TAF2: variants seen among roughly 807,000 people sequenced by gnomAD.
TAF2 encodes the protein transcription initiation factor TFIID subunit 2.
In TAF2, 61 loss-of-function variants were observed where a neutral mutation model predicts 138.5. That is an observed-to-expected ratio of 0.44 (90% CI 0.36 to 0.54). TAF2 has a LOEUF of 0.54. Ranked by LOEUF, TAF2 falls within the 20% of genes least tolerant of loss-of-function variation. The probability of loss-of-function intolerance (pLI) is 0.00; values close to 1 mark genes in which losing one functional copy is unlikely to be tolerated. For synonymous variants in TAF2, 475 were observed against 469.9 expected (o/e 1.01, Z -0.14); for missense variants, 1,090 against 1,427.9 (o/e 0.76, Z 3.81).
At chr8:119,800,821 C>T (rs1807932152) in intron 6 of TAF2, among the ~76,000 whole-genome samples, 1 of 152,150 alleles carries the variant, frequency 6.6e-6, no homozygotes, top group Non-Finnish European at 1.5e-5. Context: ...AAAAGAAATG[C>T]TGTGGAGATA....
rs767118186 is a variant in TAF2 at position 119,756,130 on chromosome 8, A to T, written c.2769-15T>A. 24 of 1,607,126 alleles carry T rather than the reference A, an allele frequency of 1.5e-5. No homozygotes were observed. The highest frequency in any genetic ancestry group is 2.0e-5 in the Non-Finnish European group (23 of 1,174,322). On this transcript the variant is annotated splice_polypyrimidine_tract_variant and intron_variant, in intron 21 of 25. Coordinates refer to ENST00000378164, the MANE Select transcript of TAF2 (RefSeq NM_003184.4). ...GAATCTTATGCCTGAAAGATTAAAAAAAATTAAATTTTTGCTGACCTTTTA... is the reference window on the plus strand; with the variant it reads ...GAATCTTATGCCTGAAAGATTAAAATAAATTAAATTTTTGCTGACCTTTTA...
At chr8:119,802,334 A>G (rs1227104035) in intron 5 of TAF2, among the ~76,000 whole-genome samples, 1 of 152,230 alleles carries the variant, frequency 6.6e-6, no homozygotes, top group Non-Finnish European at 1.5e-5. Flanking sequence ...CATATTAGTC[A>G]GTTTTTATGC....
chr8:119,781,365 C>CA (rs1326371963), intron 16 of TAF2, among the ~76,000 whole-genome samples, 172 bp from the exon 17 acceptor site: 1 of 152,088 alleles, frequency 6.6e-6, no homozygotes, highest in East Asian at 1.9e-4. Flanking sequence ...AGAAATTATA[C>CA]AAACTCACCC....
chr8:119,808,034 T>C (rs1824784668), intron 3 of TAF2, among the ~76,000 whole-genome samples: 1 of 152,196 alleles, frequency 6.6e-6, no homozygotes, highest in South Asian at 2.1e-4. Flanking sequence ...TACAGACTCT[T>C]AACTTGACAG....
intron 17 of TAF2, among the ~76,000 whole-genome samples, chr8:119,779,365 A>T (rs1010155052): frequency 6.6e-6 from 1 of 152,136 alleles, no homozygotes; most frequent in African/African-American, 2.4e-5. Flanking sequence ...TTTAAAAAAA[A>T]AATAAAAATA....
intron 16 of TAF2, among the ~76,000 whole-genome samples, chr8:119,782,331 A>G (rs1822723887): frequency 6.6e-6 from 1 of 152,230 alleles, no homozygotes; most frequent in African/African-American, 2.4e-5. Context: ...AAATGAAATT[A>G]TGATTAAACA....
chr8:119,784,905 C>T (rs1014930126), intron 15 of TAF2, among the ~76,000 whole-genome samples: 4 of 152,154 alleles, frequency 2.6e-5, no homozygotes, highest in Non-Finnish European at 5.9e-5. Flanking sequence ...ATAGTCTGAG[C>T]ACTGCTCTAG....
At chr8:119,756,232 T>A in intron 21 of TAF2, 117 bp from the exon 22 acceptor site, 1 of 719,438 alleles carries the variant, frequency 1.4e-6, no homozygotes, top group Non-Finnish European at 2.5e-6. Context: ...TTTTAACACT[T>A]TCTCTCTTAA....
intron 22 of TAF2, 99 bp downstream of exon 22, chr8:119,755,907 C>G (rs1008478139): frequency 1.0e-6 from 1 of 973,188 alleles, no homozygotes; most frequent in African/African-American, 1.7e-5. Context: ...AAAATCTCAA[C>G]TTTTACCTTT....
intron 22 of TAF2, among the ~76,000 whole-genome samples, chr8:119,755,146 T>C (rs1820609696): frequency 6.6e-6 from 1 of 152,224 alleles, no homozygotes. Context: ...CTTAGCAAAA[T>C]GGTTCCAGAG....
intron 18 of TAF2, among the ~76,000 whole-genome samples, chr8:119,768,739 G>A (rs1466452975): frequency 6.6e-6 from 1 of 152,200 alleles, no homozygotes; most frequent in Non-Finnish European, 1.5e-5. Context: ...ACCTGCATGT[G>A]CCAAAAGATG....
At chr8:119,798,175 A>G (rs1563895655) in intron 6 of TAF2, among the ~76,000 whole-genome samples, 1 of 152,180 alleles carries the variant, frequency 6.6e-6, no homozygotes. Flanking sequence ...TTTATTATAA[A>G]CATACCTCTT....
intron 18 of TAF2, among the ~76,000 whole-genome samples, chr8:119,773,570 G>GT (rs1821999221): frequency 6.6e-6 from 1 of 151,440 alleles, no homozygotes; most frequent in African/African-American, 2.4e-5. Context: ...ATCTTATGAG[G>GT]TAAGTAAAAA....
rs748767830 is a variant in TAF2 at position 119,819,464 on chromosome 8, T to G, written c.181A>C (p.Asn61His). Residue 61 changes from asparagine (N) to histidine (H), a missense_variant, in exon 3 of 26, where the codon AAT (asparagine) becomes CAT (histidine). Physicochemically the swap from Asn to His is moderately conservative, Grantham distance 68. Transcript: ENST00000378164. ...LTIFPTVANLNRIKLNSKQCR... is the reference protein window; with the variant it reads ...LTIFPTVANLHRIKLNSKQCR... ...TGTTTGCTGTTCAACTTGATTCTAT[T>G]CAAGTTTGCAACTGTGGGAAATATA... 1.2e-6 allele frequency: 2 copies of G among 1,610,972 alleles called. No homozygotes were observed. Among genetic ancestry groups the G allele is most frequent in the South Asian group, 2.2e-5 (2 of 91,070 alleles).
chr8:119,743,431 C>A (rs953426948), intron 24 of TAF2, among the ~76,000 whole-genome samples: 7 of 151,252 alleles, frequency 4.6e-5, no homozygotes, highest in Non-Finnish European at 7.4e-5. Context: ...TAGAACAGGA[C>A]CAGGGAAAAA....
At chr8:119,787,819 C>A (rs1823129038) in intron 14 of TAF2, among the ~76,000 whole-genome samples, 1 of 152,106 alleles carries the variant, frequency 6.6e-6, no homozygotes, top group Non-Finnish European at 1.5e-5. Flanking sequence ...TTCACAATAG[C>A]CAAGACTTGG....
intron 6 of TAF2, among the ~76,000 whole-genome samples, chr8:119,799,613 C>T (rs2131199503): frequency 6.6e-6 from 1 of 152,308 alleles, no homozygotes; most frequent in East Asian, 1.9e-4. Context: ...AATAAACACA[C>T]ATGTGCATCT....
At position 119,797,007 on chromosome 8, in the gene TAF2, G is replaced by A. The variant is rs747861852; in HGVS notation, c.1074C>T (p.Phe358=). ...TCACTCACCAAGACATTCTAGATAT[G>A]AAACAACCAAAAAACTGCTGGGCCA... is the stretch of plus-strand genomic sequence containing the variant. ...QSLAQQFFGC[F]ISRMSWSDEW... is the part of the protein sequence containing the mutation. Residue 358 remains phenylalanine (F), a synonymous_variant, in exon 8 of 26, where the codon TTC becomes TTT. Transcript: ENST00000378164. 1.9e-6 allele frequency: 3 copies of A among 1,612,618 alleles called. No individual in the cohort carries two copies. The African/African-American group carries it at 4.0e-5, about 22-fold the overall frequency.
At chr8:119,794,517 T>C (rs1241253442) in intron 9 of TAF2, among the ~76,000 whole-genome samples, 5 of 151,912 alleles carry the variant, frequency 3.3e-5, no homozygotes, top group African/African-American at 1.2e-4. Flanking sequence ...GAGAAGAAAC[T>C]AAAAGCCAAG....
Sources: allele counts gnomAD v4.1 joint callset (sites outside exome capture counted in the v4.1 genomes callset), GRCh38; gene constraint gnomAD v4.1.1; transcripts MANE v1.5; gene names NCBI Gene and HGNC (gene_info 2026-07-23, HGNC 2026-07-21).